CDH18: variants seen among roughly 807,000 people sequenced by gnomAD.
CDH18 encodes cadherin 18.
CDH18 carries 31 observed loss-of-function variants against 67.9 expected under a neutral mutation model. The observed-to-expected ratio is 0.46, with a 90% CI of 0.34 to 0.62. The LOEUF (loss-of-function observed/expected upper bound fraction) is 0.62, where lower values mean the gene tolerates loss of function less well. Among genes scored for constraint, CDH18 ranks in the 20% least tolerant of loss-of-function variants. The pLI is 0.01. For synonymous variants in CDH18, 362 were observed against 347.2 expected (o/e 1.04, Z -0.48); for missense variants, 890 against 975.5 (o/e 0.91, Z 1.17).
chr5:19,805,866 G>A (rs1276123982), intron 3 of CDH18, among the ~76,000 whole-genome samples: 1 of 152,172 alleles, frequency 6.6e-6, no homozygotes, highest in Non-Finnish European at 1.5e-5. Context: ...TGCCAAGCTT[G>A]TTCTAAATGT....
chr5:20,435,462 C>T (rs754043794), intron 1 of CDH18, among the ~76,000 whole-genome samples: 3 of 152,068 alleles, frequency 2.0e-5, no homozygotes, highest in Non-Finnish European at 4.4e-5. Flanking sequence ...TCTATGCCCC[C>T]AACCTCAGGC....
At chr5:20,512,897 A>T (rs1755133900) in intron 1 of CDH18, among the ~76,000 whole-genome samples, 1 of 151,778 alleles carries the variant, frequency 6.6e-6, no homozygotes, top group Admixed American at 6.6e-5. Context: ...AAAAAAAAAA[A>T]AAAATCGACT....
intron 1 of CDH18, among the ~76,000 whole-genome samples, chr5:20,557,449 G>C (rs923897171): frequency 6.6e-5 from 10 of 152,102 alleles, no homozygotes; most frequent in African/African-American, 2.4e-4. Flanking sequence ...TAACACATAT[G>C]TGATAAATAA....
In CDH18 at chr5:20,242,638, A is replaced by ATATATATGTG. The variant is rs1580564121; in HGVS notation, c.-518+12805_-518+12806insCACATATATA. ...TATATATATATATATATATATGTAT[A>ATATATATGTG]TATATATATATATGTAAATGGACTA... On this transcript the variant is annotated intron_variant, in intron 2 of 14. Transcript: ENST00000507958. 3.2e-4 allele frequency among the ~76,000 whole-genome samples: 35 copies of ATATATATGTG among 109,470 alleles called. 2 individuals carry two copies. Among genetic ancestry groups the ATATATATGTG allele is most frequent in the South Asian group, 2.2e-3 (8 of 3,638 alleles). The allele number at this position is 109,470 out of a possible 152,430, so 71.8% of individuals were successfully genotyped here. A position where few individuals can be genotyped will look rare whatever the true frequency, so the allele number is the denominator to read the frequency against.
intron 2 of CDH18, among the ~76,000 whole-genome samples, chr5:20,134,931 G>T (rs1163077916): frequency 6.6e-6 from 1 of 152,046 alleles, no homozygotes; most frequent in Non-Finnish European, 1.5e-5. Context: ...TCTTGGTGCT[G>T]TGTCCTTCAT....
intron 3 of CDH18, among the ~76,000 whole-genome samples, chr5:19,837,099 G>A (rs1781738270): frequency 6.6e-6 from 1 of 152,126 alleles, no homozygotes; most frequent in South Asian, 2.1e-4. Flanking sequence ...ATGAGTTCAT[G>A]TCCTTTGCAA....
intron 11 of CDH18, among the ~76,000 whole-genome samples, chr5:19,502,113 T>C (rs1743348907): frequency 1.3e-5 from 2 of 152,308 alleles, no homozygotes; most frequent in East Asian, 1.9e-4. Flanking sequence ...CAGGTTGTCA[T>C]TTAGTGACTT....
At chr5:19,755,434 T>TATATATAC (rs1172486540) in intron 3 of CDH18, among the ~76,000 whole-genome samples, 4 of 8,976 alleles carry the variant, frequency 4.5e-4, no homozygotes, top group African/African-American at 5.2e-4. Context: ...AGGGTATGTA[T>TATATATAC]ATATATATAT....
chr5:20,405,646 A>G (rs1318218570), intron 1 of CDH18, among the ~76,000 whole-genome samples: 18 of 152,130 alleles, frequency 1.2e-4, no homozygotes, highest in Non-Finnish European at 2.5e-4. Flanking sequence ...CAGAGTGAAC[A>G]GGCAACCTAC....
At chr5:19,538,246 T>A (rs1054326297) in intron 9 of CDH18, among the ~76,000 whole-genome samples, 1 of 152,110 alleles carries the variant, frequency 6.6e-6, no homozygotes, top group African/African-American at 2.4e-5. Flanking sequence ...AGACCTTAAG[T>A]AGAGAACCCA....
At chr5:20,152,502 G>A (rs1751203920) in intron 2 of CDH18, among the ~76,000 whole-genome samples, 3 of 151,634 alleles carry the variant, frequency 2.0e-5, no homozygotes, top group African/African-American at 7.3e-5. Context: ...TGCAGAGTGG[G>A]TATTACATTT....
At chr5:20,076,118 C>T (rs1376263507) in intron 2 of CDH18, among the ~76,000 whole-genome samples, 1 of 152,026 alleles carries the variant, frequency 6.6e-6, no homozygotes, top group Non-Finnish European at 1.5e-5. Context: ...AAACTTTAGT[C>T]TTATTAAAAG....
intron 2 of CDH18, among the ~76,000 whole-genome samples, chr5:19,873,454 T>C (rs1047458338): frequency 4.6e-5 from 7 of 151,878 alleles, no homozygotes; most frequent in African/African-American, 1.7e-4. Context: ...AAATAATGCA[T>C]GGTGGAAGAG....
At chr5:19,652,320 A>G (rs751396287) in intron 5 of CDH18, among the ~76,000 whole-genome samples, 4 of 152,100 alleles carry the variant, frequency 2.6e-5, no homozygotes, top group Non-Finnish European at 4.4e-5. Flanking sequence ...ATAGCAAAAT[A>G]GGAGGATTTA....
rs1796357307 is a variant in CDH18 at position 19,957,431 on chromosome 5, G to GTA, written c.-257+23628_-257+23629insTA. On this transcript the variant is annotated intron_variant, in intron 2 of 12. Transcript: ENST00000382275. ...AGCTCTATGTGTTATGTATATCTGT[G>GTA]TGTGTATATGTGTTAGGTACATATA... 2.0e-5 allele frequency among the ~76,000 whole-genome samples: 3 copies of GTA among 151,646 alleles called. No homozygotes were observed. In the South Asian group the frequency reaches 6.2e-4, roughly 32 times the overall value.
chr5:19,789,669 A>G (rs1164915240), intron 3 of CDH18, among the ~76,000 whole-genome samples: 1 of 152,174 alleles, frequency 6.6e-6, no homozygotes, highest in Non-Finnish European at 1.5e-5. Flanking sequence ...TCTATTGCAA[A>G]TAAATATATG....
chr5:20,547,039 C>A (rs185372804), intron 1 of CDH18, among the ~76,000 whole-genome samples: 1 of 151,760 alleles, frequency 6.6e-6, no homozygotes, highest in South Asian at 2.1e-4. Context: ...ACAGAGATGG[C>A]GCTAGTGAAA....
intron 9 of CDH18, among the ~76,000 whole-genome samples, chr5:19,521,414 T>C (rs1034040479): frequency 5.9e-5 from 9 of 152,196 alleles, no homozygotes; most frequent in Admixed American, 4.6e-4. Flanking sequence ...ATCTTTTCAG[T>C]GGGTTTATTA....
At chr5:20,236,304 TATAC>T (rs1307552856) in intron 2 of CDH18, among the ~76,000 whole-genome samples, 1 of 151,120 alleles carries the variant, frequency 6.6e-6, no homozygotes, top group African/African-American at 2.4e-5. Context: ...CTGGATAAAA[TATAC>T]ATGCTAATTA....
Sources: allele counts gnomAD v4.1 joint callset (sites outside exome capture counted in the v4.1 genomes callset), GRCh38; gene constraint gnomAD v4.1.1; transcripts MANE v1.5; gene names NCBI Gene and HGNC (gene_info 2026-07-23, HGNC 2026-07-21).